Variants in GCM2 observed in about 807,000 individuals in gnomAD.
The protein encoded by GCM2 is chorion-specific transcription factor GCMb.
Under a neutral mutation model 24.8 loss-of-function variants are expected in GCM2, and 21 were observed. The observed-to-expected ratio is 0.85, with a 90% CI of 0.60 to 1.22. The LOEUF is 1.22. GCM2 is among the 50% of genes most tolerant of loss of function. The pLI is 0.00. For synonymous variants in GCM2, 222 were observed against 238.0 expected (o/e 0.93, Z 0.62); for missense variants, 532 against 645.6 (o/e 0.82, Z 1.91).
At chr6:10,875,088 G>A (rs190734068) in intron 4 of GCM2, among the ~76,000 whole-genome samples, 155 bp from the exon 5 acceptor site, 1 of 152,314 alleles carries the variant, frequency 6.6e-6, no homozygotes, top group Admixed American at 6.5e-5. Flanking sequence ...GTAAGCACGT[G>A]GTCCAGGGGT....
intron 1 of GCM2, among the ~76,000 whole-genome samples, chr6:10,878,558 T>C (rs1397032974): frequency 6.6e-6 from 1 of 152,170 alleles, no homozygotes; most frequent in Non-Finnish European, 1.5e-5. Flanking sequence ...GACCTCATGA[T>C]CCACCCACCT....
intron 1 of GCM2, among the ~76,000 whole-genome samples, chr6:10,881,147 TTTC>T (rs35599770): frequency 3.4e-4 from 51 of 150,974 alleles, no homozygotes; most frequent in Admixed American, 1.3e-3. Context: ...AGAAGACACA[TTTC>T]TTCTTCTTCT....
chr6:10,874,646 G>A lies in GCM2; in HGVS notation c.870C>T (p.Thr290=). ...GGATACTGGTGGAATCCTTATAAAGGGTGGGATATGGGCTTGAATTTGTAT... is the reference window on the plus strand; with the variant it reads ...GGATACTGGTGGAATCCTTATAAAGAGTGGGATATGGGCTTGAATTTGTAT... ...PGYTNSSPYP[T]LYKDSTSIPN... The change falls in exon 5 of 5, where the codon ACC becomes ACT. Residue 290 remains threonine, a synonymous_variant. Transcript: ENST00000379491. The A allele has an allele frequency of 6.2e-7, 1 of 1,614,194 alleles. No individual in the cohort carries two copies. Among genetic ancestry groups the A allele is most frequent in the Non-Finnish European group, 8.5e-7 (1 of 1,180,026 alleles).
chr6:10,874,065 C>G lies in GCM2; in HGVS notation c.1451G>C (p.Gly484Ala). Residue 484 changes from glycine (G) to alanine (A), a missense_variant, in exon 5 of 5, where the codon GGG becomes GCG. Around this residue, in one of 3 missense-constraint regions of GCM2, gnomAD observed 434 missense variants for 521.9 expected, o/e 0.83. Transcript: ENST00000379491. ...TGAGTAACTGACTGCGGAGCCCAGC[C>G]CAGACAGACACACATCCCAAGTCTC... is the stretch of plus-strand genomic sequence containing the variant. Reference protein sequence around the residue: ...EAETWDVCLSGLGSAVSYSDR... With the variant: ...EAETWDVCLSALGSAVSYSDR... 1 of 1,614,214 alleles carries G rather than the reference C, an allele frequency of 6.2e-7. No homozygotes were observed. Among genetic ancestry groups the G allele is most frequent in the Non-Finnish European group, 8.5e-7 (1 of 1,180,056 alleles).
chr6:10,881,924 GAGAGAA>G lies in GCM2; in HGVS notation c.-137_-132del. 3 of 720,074 alleles carry G rather than the reference GAGAGAA, an allele frequency of 4.2e-6. No individual in the cohort carries two copies. Among genetic ancestry groups the G allele is most frequent in the Non-Finnish European group, 4.9e-6 (2 of 406,636 alleles). 44.6% of individuals were successfully genotyped at this position (720,074 alleles called of 1,614,324 possible). On this transcript the variant is annotated 5_prime_UTR_variant, in exon 1 of 5. Coordinates refer to ENST00000379491, the MANE Select transcript of GCM2 (RefSeq NM_004752.4). Reference sequence around the variant, plus strand: ...GGTGTGTGAAGGGGAGGTGCAGAGAGAGAGAAAGAGAGAGAGGCTGTTTAGATATCT... The same window carrying G: ...GGTGTGTGAAGGGGAGGTGCAGAGAGAGAGAGAGAGGCTGTTTAGATATCT...
intron 1 of GCM2, among the ~76,000 whole-genome samples, chr6:10,881,203 G>C (rs1779952578): frequency 6.6e-6 from 1 of 152,030 alleles, no homozygotes; most frequent in South Asian, 2.1e-4. Flanking sequence ...TTGTTGCCCA[G>C]GCTGGAGTTC....
intron 1 of GCM2, among the ~76,000 whole-genome samples, chr6:10,878,306 TTTACTGAGCACTTCC>T (rs1779910641): frequency 6.6e-6 from 1 of 152,210 alleles, no homozygotes; most frequent in Admixed American, 6.5e-5. Context: ...AAAATCACCC[TTTACTGAGCACTTCC>T]TTTTTTCTTT....
At chr6:10,881,622 G>T in intron 1 of GCM2, 82 bp downstream of exon 1, 1 of 784,718 alleles carries the variant, frequency 1.3e-6, no homozygotes. Context: ...TCCGTCCGCA[G>T]ACTCTTCAAG....
At position 10,877,180 on chromosome 6, in the gene GCM2, C is replaced by T. The variant is rs387907432; in HGVS notation, c.303G>A (p.Leu101=). ...CTLPDGSRLQ[L]RPAICDKARL... Reference sequence around the variant, plus strand: ...GTGCCTTGTCGCAGATGGCCGGCCTCAGCTGCAGGCGGGAACCGTCGGGCA... The same window carrying T: ...GTGCCTTGTCGCAGATGGCCGGCCTTAGCTGCAGGCGGGAACCGTCGGGCA... Residue 101 remains leucine, a synonymous_variant, in exon 2 of 5, where the codon CTG becomes CTA. Coordinates refer to ENST00000379491, the MANE Select transcript of GCM2 (RefSeq NM_004752.4). 4 of 1,613,850 alleles carry T rather than the reference C, an allele frequency of 2.5e-6. No homozygotes were observed. Among genetic ancestry groups the T allele is most frequent in the African/African-American group, 1.3e-5 (1 of 75,074 alleles).
chr6:10,877,200 C>T lies in GCM2; in HGVS notation c.283G>A (p.Asp95Asn), dbSNP rs374388110. The T allele has an allele frequency of 4.8e-5, 78 of 1,613,924 alleles. No homozygotes were observed. The highest frequency in any genetic ancestry group is 9.3e-5 in the African/African-American group (7 of 74,944). The change falls in exon 2 of 5, where the codon GAC becomes AAC. Residue 95 changes from aspartate (D) to asparagine (N), a missense_variant. Transcript: ENST00000379491. ...GGCCTCAGCTGCAGGCGGGAACCGTCGGGCAGGGTGCAGGCCTGTGTACAC... is the reference window on the plus strand; with the variant it reads ...GGCCTCAGCTGCAGGCGGGAACCGTTGGGCAGGGTGCAGGCCTGTGTACAC... ...VVCTQACTLP[D>N]GSRLQLRPAI...
intron 1 of GCM2, among the ~76,000 whole-genome samples, chr6:10,880,623 C>T (rs1561673373): frequency 6.6e-6 from 1 of 152,168 alleles, no homozygotes; most frequent in Non-Finnish European, 1.5e-5. Flanking sequence ...TGGCTTCAAA[C>T]CACCCACTTC....
In GCM2 at chr6:10,873,905, T is replaced by A; in HGVS notation, c.*90A>T. 1 of 971,830 alleles carries A rather than the reference T, an allele frequency of 1.0e-6. No individual in the cohort carries two copies. Among genetic ancestry groups the A allele is most frequent in the Non-Finnish European group, 1.6e-6 (1 of 613,248 alleles). The allele number at this position is 971,830 out of a possible 1,614,324, so 60.2% of individuals were successfully genotyped here. A position where few individuals can be genotyped will look rare whatever the true frequency, so the allele number is the denominator to read the frequency against. On this transcript the variant is annotated 3_prime_UTR_variant, in exon 5 of 5. Transcript: ENST00000379491. The stretch of plus-strand genomic sequence containing the variant: ...TGTGTTTCTTTGCACACAAGGTGAA[T>A]CTCCCAACTCAATAAGAGATCATTG...
In GCM2 at chr6:10,881,722, G is replaced by C; in HGVS notation, c.72C>G (p.Asn24Lys). ...SYGMQLSWDINDPQMPQELAL... is the reference protein window; with the variant it reads ...SYGMQLSWDIKDPQMPQELAL... ...CACTTACCTGAGGCATCTGCGGATCGTTGATGTCCCAGCTGAGCTGCATCC... is the reference window on the plus strand; with the variant it reads ...CACTTACCTGAGGCATCTGCGGATCCTTGATGTCCCAGCTGAGCTGCATCC... The change falls in exon 1 of 5, where the codon AAC (asparagine) becomes AAG (lysine). Residue 24 changes from asparagine to lysine, a missense_variant. This residue lies in a region of GCM2 where 96 missense variants were observed against 103.5 expected (regional missense o/e 0.93). Transcript: ENST00000379491. 2 of 1,611,742 alleles carry C rather than the reference G, an allele frequency of 1.2e-6. No homozygotes were observed. Among genetic ancestry groups the C allele is most frequent in the Non-Finnish European group, 1.7e-6 (2 of 1,179,778 alleles).
At chr6:10,875,070 T>C in intron 4 of GCM2, 137 bp from the exon 5 acceptor site, 1 of 719,548 alleles carries the variant, frequency 1.4e-6, no homozygotes, top group Non-Finnish European at 2.5e-6. Flanking sequence ...ACTGCTCAGG[T>C]ACGTGATGTA....
rs1779854170 is a variant in GCM2, at chr6:10,874,798, C to T, written c.718G>A (p.Val240Ile). ...GCTAGGTCACAGGTAGCTTTGTAAA[C>T]ATCAGACTTTGGGAAGGAAGGGCAA... ...QPCPSFPKSD[V>I]YKATCDLATF... The change falls in exon 5 of 5, where the codon GTT becomes ATT. Residue 240 changes from valine to isoleucine, a missense_variant. By Grantham distance (29) the Val-to-Ile change is conservative. Around this residue, in one of 3 missense-constraint regions of GCM2, gnomAD observed 434 missense variants for 521.9 expected, o/e 0.83. Transcript: ENST00000379491. 2 of 1,613,272 alleles carry T rather than the reference C, an allele frequency of 1.2e-6. No individual in the cohort carries two copies. Among genetic ancestry groups the T allele is most frequent in the East Asian group, 2.2e-5 (1 of 44,864 alleles).
intron 1 of GCM2, among the ~76,000 whole-genome samples, chr6:10,881,147 T>TTTCTTCTTCTTC (rs35599770): frequency 1.3e-5 from 2 of 150,860 alleles, no homozygotes; most frequent in African/African-American, 4.9e-5. Context: ...AGAAGACACA[T>TTTCTTCTTCTTC]TTCTTCTTCT....
At chr6:10,876,867 C>G (rs1027335971) in intron 2 of GCM2, among the ~76,000 whole-genome samples, 1 of 152,166 alleles carries the variant, frequency 6.6e-6, no homozygotes. Context: ...AGTTCAAGAC[C>G]AGCCTGACCA....
rs1471414581 is a variant in GCM2, at chr6:10,874,864, C to T, written c.652G>A (p.Asp218Asn). The change falls in exon 5 of 5, where the codon GAT (aspartate) becomes AAT (asparagine). Residue 218 changes from aspartate (D) to asparagine (N), a missense_variant. By Grantham distance (23) the Asp-to-Asn change is conservative. This residue lies in a region of GCM2 where 434 missense variants were observed against 521.9 expected (regional missense o/e 0.83). Coordinates refer to ENST00000379491, the MANE Select transcript of GCM2 (RefSeq NM_004752.4). ...IPPLENPEDF[D>N]IVTETSFPIP... The stretch of plus-strand genomic sequence containing the variant: ...GGGAAGCTGGTTTCAGTAACTATAT[C>T]AAAGTCTTCTGGATTTTCCAAGGGA... The T allele has an allele frequency of 8.7e-6, 14 of 1,613,920 alleles. No individual in the cohort carries two copies. Among genetic ancestry groups the T allele is most frequent in the African/African-American group, 1.3e-5 (1 of 74,930 alleles).
In GCM2 at chr6:10,874,622, G is replaced by A. The variant is rs761626282; in HGVS notation, c.894C>T (p.Ile298=). The part of the protein sequence containing the change: ...YPTLYKDSTS[I]PNDTDWVHLN... The stretch of plus-strand genomic sequence containing the variant: ...GATGAACCCAGTCTGTGTCATTAGG[G>A]ATACTGGTGGAATCCTTATAAAGGG... The change falls in exon 5 of 5, where the codon ATC becomes ATT. Residue 298 remains isoleucine, a synonymous_variant. Coordinates refer to ENST00000379491, the MANE Select transcript of GCM2 (RefSeq NM_004752.4). The A allele has an allele frequency of 2.5e-6, 4 of 1,614,128 alleles. No individual in the cohort carries two copies. Among genetic ancestry groups the A allele is most frequent in the Non-Finnish European group, 3.4e-6 (4 of 1,179,982 alleles).
Sources: allele counts gnomAD v4.1 joint callset (sites outside exome capture counted in the v4.1 genomes callset), GRCh38; gene constraint gnomAD v4.1.1; regional missense constraint gnomAD v4.1.1; transcripts MANE v1.5; gene names NCBI Gene and HGNC (gene_info 2026-07-23, HGNC 2026-07-21).